Variants in CPQ observed in about 807,000 individuals in gnomAD.
CPQ encodes the protein carboxypeptidase Q.
A neutral mutation model predicts 45.7 loss-of-function variants in CPQ; 37 were observed. The ratio of observed to expected loss-of-function variants is 0.81; its 90% CI spans 0.62 to 1.07. The LOEUF is 1.07. CPQ is among the 50% of genes least tolerant of loss of function. CPQ has a pLI of 0.00. For missense variants in CPQ, 537 were observed against 572.9 expected, an observed-to-expected ratio of 0.94 and a Z score of 0.64; for synonymous variants, 186 against 205.8, an observed-to-expected ratio of 0.90 and a Z score of 0.82.
intron 1 of CPQ, among the ~76,000 whole-genome samples, chr8:96,645,728 C>T (rs1324655356): frequency 6.6e-6 from 1 of 151,806 alleles, no homozygotes; most frequent in African/African-American, 2.4e-5. Context: ...TTCACTTCCC[C>T]TCAGCTCCAG....
intron 7 of CPQ, chr8:97,133,268 C>T (rs1464528927): frequency 6.6e-6 from 1 of 152,170 alleles, no homozygotes; most frequent in Admixed American, 6.5e-5. Context: ...CAATACTCCT[C>T]ATACCTAGAG....
At chr8:96,730,598 A>G (rs923633815) in intron 1 of CPQ, among the ~76,000 whole-genome samples, 1 of 151,864 alleles carries the variant, frequency 6.6e-6, no homozygotes, top group African/African-American at 2.4e-5. Context: ...GGCCTATAAA[A>G]TCTTTTATGA....
chr8:97,043,289 T>C (rs1810166502), intron 6 of CPQ, among the ~76,000 whole-genome samples: 2 of 151,602 alleles, frequency 1.3e-5, no homozygotes, highest in South Asian at 4.2e-4. Flanking sequence ...GTCTGTTTTA[T>C]CAGAGACTAG....
chr8:96,911,135 C>G (rs1366533637), intron 4 of CPQ, among the ~76,000 whole-genome samples: 1 of 152,044 alleles, frequency 6.6e-6, no homozygotes, highest in Non-Finnish European at 1.5e-5. Flanking sequence ...GCTTTTTACC[C>G]ACCAGAAGGT....
chr8:96,771,140 T>C (rs1810539153), intron 1 of CPQ, among the ~76,000 whole-genome samples: 1 of 147,662 alleles, frequency 6.8e-6, no homozygotes, highest in South Asian at 2.1e-4. Flanking sequence ...TTTATAAATA[T>C]ATAAATATAT....
intron 1 of CPQ, among the ~76,000 whole-genome samples, chr8:96,719,436 C>T (rs1259936512): frequency 1.3e-5 from 2 of 152,218 alleles, no homozygotes; most frequent in Non-Finnish European, 2.9e-5. Context: ...GCAAGCACCG[C>T]ACGCAGTCCC....
At chr8:96,947,050 G>T (rs960075195) in intron 4 of CPQ, among the ~76,000 whole-genome samples, 2 of 152,128 alleles carry the variant, frequency 1.3e-5, no homozygotes, top group African/African-American at 4.8e-5. Flanking sequence ...CAAGTTCATT[G>T]CTGTATCCCC....
rs186881452 is a variant in CPQ at position 96,958,816 on chromosome 8, A to C, written c.850-7119A>C. Among the ~76,000 whole-genome samples the C allele has an allele frequency of 5.8e-3, 888 of 151,970 alleles. 6 individuals carry two copies. Among genetic ancestry groups the C allele is most frequent in the Middle Eastern group, 0.01 (3 of 294 alleles). On this transcript the variant is annotated intron_variant, in intron 4 of 7. Coordinates refer to ENST00000220763, the MANE Select transcript of CPQ (RefSeq NM_016134.4). ...TCTGAGAGTGGAAACAGCTCTTTTC[A>C]GGACCAGCTGGGTGATCCATGAGCA...
chr8:96,812,674 G>C (rs901820180), intron 2 of CPQ, among the ~76,000 whole-genome samples: 2 of 152,058 alleles, frequency 1.3e-5, no homozygotes, highest in African/African-American at 4.8e-5. Flanking sequence ...TTTGGCAACA[G>C]GGATAGGGCC....
rs931669275 is a variant in CPQ, at chr8:97,070,072, C to T, written c.1255+3862C>T. On this transcript the variant is annotated intron_variant, in intron 7 of 7. Transcript: ENST00000220763. ...TAAGGCTTTGGGGAAAAAAGATTTT[C>T]TTTAAAAGTATCTTGGATGTACTTT... 3.9e-5 allele frequency among the ~76,000 whole-genome samples: 6 copies of T among 152,142 alleles called. 1 individual carries two copies. The highest frequency in any genetic ancestry group is 3.9e-4 in the Admixed American group (6 of 15,262).
intron 4 of CPQ, among the ~76,000 whole-genome samples, chr8:96,958,881 A>G (rs1176011022): frequency 2.0e-5 from 3 of 149,920 alleles, no homozygotes; most frequent in Non-Finnish European, 3.0e-5. Context: ...AGGATTCTGT[A>G]TCCTACAAGC....
chr8:97,090,051 G>A lies in CPQ; in HGVS notation c.1255+23841G>A, dbSNP rs1183108723. On this transcript the variant is annotated intron_variant, in intron 7 of 7. Transcript: ENST00000220763. ...TATTGTAACCACCTAAGAATTATGTGATCTAGGCAGTGTTTTCCCAGGTAT... is the reference window on the plus strand; with the variant it reads ...TATTGTAACCACCTAAGAATTATGTAATCTAGGCAGTGTTTTCCCAGGTAT... Among the ~76,000 whole-genome samples the A allele has an allele frequency of 1.4e-4, 22 of 152,146 alleles. 1 individual carries two copies. Among genetic ancestry groups the A allele is most frequent in the Admixed American group, 1.4e-3 (22 of 15,266 alleles).
chr8:97,066,234 G>T (rs538111590), intron 7 of CPQ, 24 bp downstream of exon 7: 1 of 1,596,426 alleles, frequency 6.3e-7, no homozygotes, highest in African/African-American at 1.3e-5. Context: ...ATGAAGTTGT[G>T]TTCCTTATAT....
At chr8:97,014,244 T>C (rs1809540635) in intron 5 of CPQ, among the ~76,000 whole-genome samples, 1 of 152,180 alleles carries the variant, frequency 6.6e-6, no homozygotes. Flanking sequence ...TCGGATAATC[T>C]TATTATTTGC....
chr8:97,092,872 A>G (rs1811148862), intron 7 of CPQ: 1 of 152,170 alleles, frequency 6.6e-6, no homozygotes, highest in Non-Finnish European at 1.5e-5. Context: ...TCAACAGAGT[A>G]AATAGACAAC....
chr8:97,095,545 G>A (rs568379300), intron 7 of CPQ, among the ~76,000 whole-genome samples: 62 of 152,204 alleles, frequency 4.1e-4, no homozygotes, highest in African/African-American at 1.4e-3. Context: ...CAACTCTTGA[G>A]CATGACATAT....
chr8:96,838,228 C>T (rs1004860116), intron 3 of CPQ, among the ~76,000 whole-genome samples: 7 of 152,128 alleles, frequency 4.6e-5, no homozygotes, highest in Admixed American at 2.0e-4. Flanking sequence ...AGTAGACTAA[C>T]TGTTGTAACA....
intron 1 of CPQ, among the ~76,000 whole-genome samples, chr8:96,652,797 T>A (rs1189845120): frequency 1.3e-5 from 2 of 152,082 alleles, no homozygotes; most frequent in African/African-American, 4.8e-5. Context: ...CATGCCCGGC[T>A]AATTTTTTTT....
At chr8:97,113,651 T>C (rs1398112098) in intron 7 of CPQ, among the ~76,000 whole-genome samples, 2 of 152,132 alleles carry the variant, frequency 1.3e-5, no homozygotes, top group South Asian at 2.1e-4. Flanking sequence ...CTAATCTCTC[T>C]ACCAGAAATG....
Sources: gnomAD v4.1 joint callset for allele counts (sites outside exome capture counted in the v4.1 genomes callset) on GRCh38, gnomAD v4.1.1 for gene constraint, MANE v1.5 for transcripts, NCBI Gene and HGNC (gene_info 2026-07-23, HGNC 2026-07-21) for gene names.